Variants in CADM2 observed in about 807,000 individuals in gnomAD.
The protein encoded by CADM2 is cell adhesion molecule 2.
Under a neutral mutation model 49.8 loss-of-function variants are expected in CADM2, and 12 were observed. The observed-to-expected ratio is 0.24, with a 90% CI of 0.15 to 0.39. CADM2 has a LOEUF of 0.39. Among genes scored for constraint, CADM2 ranks in the 10% least tolerant of loss-of-function variants. The pLI is 1.00. For synonymous variants in CADM2, 214 were observed against 175.4 expected, an observed-to-expected ratio of 1.22 and a Z score of -1.74; for missense variants, 378 against 492.3, an observed-to-expected ratio of 0.77 and a Z score of 2.20.
intron 1 of CADM2, among the ~76,000 whole-genome samples, chr3:85,396,799 T>C (rs2034815927): frequency 6.6e-6 from 1 of 152,172 alleles, no homozygotes; most frequent in Non-Finnish European, 1.5e-5. Flanking sequence ...AAAAGAGTTA[T>C]AAGCTTAAAA....
At chr3:85,126,285 G>A (rs2039029818) in intron 1 of CADM2, among the ~76,000 whole-genome samples, 1 of 152,054 alleles carries the variant, frequency 6.6e-6, no homozygotes, top group Admixed American at 6.6e-5. Flanking sequence ...ATTACTATGT[G>A]TGAGGCTCTG....
At chr3:85,047,463 A>C (rs1474639510) in intron 1 of CADM2, among the ~76,000 whole-genome samples, 1 of 152,150 alleles carries the variant, frequency 6.6e-6, no homozygotes, top group Non-Finnish European at 1.5e-5. Context: ...TTCTCATATA[A>C]ATTTACATAT....
At chr3:86,047,969 A>G (rs73136128) in intron 8 of CADM2, among the ~76,000 whole-genome samples, 1,584 of 152,252 alleles carry the variant, frequency 0.01, 22 homozygotes, top group Middle Eastern at 0.068. Context: ...GCAAAACTTT[A>G]ATGTTGAATG....
intron 1 of CADM2, among the ~76,000 whole-genome samples, chr3:85,128,279 A>C (rs1291786479): frequency 1.3e-5 from 2 of 152,172 alleles, no homozygotes; most frequent in Admixed American, 1.3e-4. Context: ...ATAATGCCTA[A>C]TTTTCTATTT....
intron 1 of CADM2, among the ~76,000 whole-genome samples, chr3:85,042,565 T>A (rs1332674155): frequency 6.6e-6 from 1 of 152,178 alleles, no homozygotes; most frequent in Non-Finnish European, 1.5e-5. Context: ...CCGGGTTTCA[T>A]TTCTTTTCCA....
intron 1 of CADM2, among the ~76,000 whole-genome samples, chr3:85,469,197 A>C (rs2107605550): frequency 6.6e-6 from 1 of 152,304 alleles, no homozygotes; most frequent in Admixed American, 6.5e-5. Context: ...GGGTGGAGTC[A>C]ATTTCTTTTA....
intron 1 of CADM2, among the ~76,000 whole-genome samples, chr3:85,502,505 G>T (rs910698924): frequency 2.0e-5 from 3 of 151,948 alleles, no homozygotes; most frequent in African/African-American, 4.8e-5. Context: ...AAGAAAAAGA[G>T]AAAAAGAATC....
At chr3:85,019,263 G>T (rs564362069) in intron 1 of CADM2, among the ~76,000 whole-genome samples, 3 of 152,204 alleles carry the variant, frequency 2.0e-5, no homozygotes, top group South Asian at 4.2e-4. Context: ...GAAGAGGATT[G>T]CTTGAGCCCA....
chr3:85,463,850 T>C (rs6774985), intron 1 of CADM2, among the ~76,000 whole-genome samples: 79,366 of 151,942 alleles, frequency 0.52, 23,003 homozygotes, highest in East Asian at 0.83. Flanking sequence ...ACAAAGGACA[T>C]AGCAAGTTTC....
chr3:85,849,219 C>A (rs1016267552), intron 3 of CADM2, among the ~76,000 whole-genome samples: 4 of 152,158 alleles, frequency 2.6e-5, no homozygotes, highest in Admixed American at 1.3e-4. Flanking sequence ...TTGGCCAGTT[C>A]ACTGATTACT....
At chr3:85,631,777 A>G (rs1306823183) in intron 1 of CADM2, among the ~76,000 whole-genome samples, 2 of 152,104 alleles carry the variant, frequency 1.3e-5, no homozygotes, top group Non-Finnish European at 2.9e-5. Context: ...AAAAGTAAAA[A>G]CAAAATGAGG....
chr3:85,668,646 G>A (rs1301992380), intron 1 of CADM2, among the ~76,000 whole-genome samples: 2 of 152,118 alleles, frequency 1.3e-5, no homozygotes, highest in Admixed American at 1.3e-4. Context: ...TGCCATCCAT[G>A]TAAGATGTGA....
chr3:86,032,556 T>C (rs1229464596), intron 8 of CADM2, among the ~76,000 whole-genome samples: 3 of 151,942 alleles, frequency 2.0e-5, no homozygotes, highest in African/African-American at 4.8e-5. Context: ...CAATGAATTA[T>C]ATAACTATCC....
At chr3:84,980,554 A>G (rs577704009) in intron 1 of CADM2, among the ~76,000 whole-genome samples, 4 of 152,178 alleles carry the variant, frequency 2.6e-5, no homozygotes, top group Non-Finnish European at 5.9e-5. Context: ...TCCTGGCAAG[A>G]TAATAATAAG....
At chr3:85,488,576 GGC>G (rs1465663946) in intron 1 of CADM2, among the ~76,000 whole-genome samples, 1 of 151,996 alleles carries the variant, frequency 6.6e-6, no homozygotes, top group African/African-American at 2.4e-5. Flanking sequence ...TCTGTCACCA[GGC>G]TGGAGTGCAA....
chr3:85,265,762 G>A (rs528312839), intron 1 of CADM2, among the ~76,000 whole-genome samples: 1 of 152,050 alleles, frequency 6.6e-6, no homozygotes, highest in Non-Finnish European at 1.5e-5. Flanking sequence ...TGCCTAAGGT[G>A]AAGATTCCAA....
rs111773569 is a variant in CADM2, at chr3:85,210,899, A to T, written c.61+251231A>T. On this transcript the variant is annotated intron_variant, in intron 1 of 9. Coordinates refer to ENST00000383699, the MANE Select transcript of CADM2 (RefSeq NM_001167675.2). ...AAATGTTTGGTAAAATTCAGCAGTG[A>T]AGCCATCAGGGTCTGGGCTTTTTTG... Among the ~76,000 whole-genome samples, 658 of 152,268 alleles carry T rather than the reference A, an allele frequency of 4.3e-3. 3 individuals carry two copies. Among genetic ancestry groups the T allele is most frequent in the African/African-American group, 0.014 (584 of 41,570 alleles).
intron 1 of CADM2, among the ~76,000 whole-genome samples, chr3:85,267,729 G>A (rs1240102363): frequency 6.6e-6 from 1 of 151,286 alleles, no homozygotes; most frequent in African/African-American, 2.4e-5. Context: ...CTCGTAATTG[G>A]ACATAAACAA....
At chr3:85,805,970 C>T (rs1165276739) in intron 3 of CADM2, among the ~76,000 whole-genome samples, 1 of 152,158 alleles carries the variant, frequency 6.6e-6, no homozygotes. Context: ...AGTAAAATCA[C>T]TTAGGGGATT....
Sources: allele counts gnomAD v4.1 joint callset (sites outside exome capture counted in the v4.1 genomes callset), GRCh38; gene constraint gnomAD v4.1.1; transcripts MANE v1.5; gene names NCBI Gene and HGNC (gene_info 2026-07-23, HGNC 2026-07-21).